The following MCM9 variants were observed in gnomAD, a reference collection of about 807,000 sequenced individuals.
MCM9 encodes minichromosome maintenance 9 homologous recombination repair factor.
Under a neutral mutation model 72.8 loss-of-function variants are expected in MCM9, and 55 were observed. The ratio of observed to expected loss-of-function variants is 0.76; its 90% confidence interval spans 0.61 to 0.95. MCM9 has a LOEUF of 0.95. MCM9 is among the 40% of genes least tolerant of loss of function. The probability of loss-of-function intolerance (pLI) is 0.00; values close to 1 mark genes in which losing one functional copy is unlikely to be tolerated. For synonymous variants in MCM9, 480 were observed against 503.4 expected (o/e 0.95, Z 0.62); for missense variants, 1,279 against 1,377.0 (o/e 0.93, Z 1.13).
intron 9 of MCM9, among the ~76,000 whole-genome samples, 197 bp from the exon 10 acceptor site, chr6:118,829,447 G>C (rs1306695343): frequency 1.3e-5 from 2 of 152,214 alleles, no homozygotes; most frequent in African/African-American, 4.8e-5. Context: ...ATCTTAAAGA[G>C]AAGTAACCGT....
At chr6:118,818,041 T>C (rs1773525234) in intron 13 of MCM9, among the ~76,000 whole-genome samples, 1 of 152,186 alleles carries the variant, frequency 6.6e-6, no homozygotes, top group African/African-American at 2.4e-5. Context: ...CTTTGTCAGA[T>C]GGATAGATTG....
intron 9 of MCM9, among the ~76,000 whole-genome samples, chr6:118,836,607 T>C (rs1177689657): frequency 6.6e-6 from 1 of 152,248 alleles, no homozygotes; most frequent in Non-Finnish European, 1.5e-5. Flanking sequence ...TATCCATTTC[T>C]TCTAGATTTT....
intron 13 of MCM9, among the ~76,000 whole-genome samples, chr6:118,819,826 A>G (rs1486053368): frequency 3.9e-5 from 6 of 152,192 alleles, no homozygotes; most frequent in Non-Finnish European, 8.8e-5. Flanking sequence ...CAGGGATTCA[A>G]CTTCTTCCTG....
rs935914394 is a variant in MCM9 at position 118,820,254 on chromosome 6, C to T, written c.1962-3960G>A. 3.9e-5 allele frequency among the ~76,000 whole-genome samples: 6 copies of T among 152,268 alleles called. 1 individual carries two copies. The highest frequency in any genetic ancestry group is 6.8e-3 in the Middle Eastern group (2 of 294). On this transcript the variant is annotated intron_variant, in intron 13 of 13. Transcript: ENST00000619706. ...GTTCTTTCCCTCTTTCTCCTGAGGG[C>T]GTTTAGTGCTATAAATTTCCCTCTG...
chr6:118,815,528 C>G lies in MCM9; in HGVS notation c.2728G>C (p.Val910Leu), dbSNP rs944074142. 1.3e-6 allele frequency: 2 copies of G among 1,548,470 alleles called. No homozygotes were observed. Among genetic ancestry groups the G allele is most frequent in the Non-Finnish European group, 1.7e-6 (2 of 1,146,412 alleles). ...GCCACAGGGGAACCTGGAGGCTTAA[C>G]ATTTTCAATTGCAGGCTCTTCCACT... Reference protein sequence around the residue: ...AQVEEPAIENVKPPGSPVAKL... With the variant: ...AQVEEPAIENLKPPGSPVAKL... The change falls in exon 14 of 14, where the codon GTT becomes CTT. Residue 910 changes from valine (V) to leucine (L), a missense_variant. Physicochemically the swap from Val to Leu is conservative, Grantham distance 32. Transcript: ENST00000619706.
intron 8 of MCM9, among the ~76,000 whole-genome samples, chr6:118,883,828 T>C (rs182831052): frequency 6.4e-4 from 97 of 152,250 alleles, no homozygotes; most frequent in African/African-American, 2.1e-3. Flanking sequence ...CTTAAAAGAA[T>C]TACTAAAGGA....
intron 8 of MCM9, among the ~76,000 whole-genome samples, chr6:118,872,631 A>G (rs1777677230): frequency 6.6e-6 from 1 of 152,044 alleles, no homozygotes; most frequent in Non-Finnish European, 1.5e-5. Flanking sequence ...CTACCTCTAC[A>G]GAAAAAAAAG....
At chr6:118,841,042 T>G (rs1583396995) in intron 9 of MCM9, among the ~76,000 whole-genome samples, 1 of 152,332 alleles carries the variant, frequency 6.6e-6, no homozygotes, top group East Asian at 1.9e-4. Context: ...GCCACTGCGC[T>G]TGGCTCCTCC....
intron 9 of MCM9, among the ~76,000 whole-genome samples, chr6:118,834,323 G>A (rs1774800812): frequency 6.8e-6 from 1 of 147,550 alleles, no homozygotes; most frequent in Non-Finnish European, 1.5e-5. Context: ...ATAAACATAC[G>A]TGTGTATGTG....
intron 9 of MCM9, among the ~76,000 whole-genome samples, chr6:118,832,773 A>G (rs1774663059): frequency 6.6e-6 from 1 of 152,182 alleles, no homozygotes; most frequent in Non-Finnish European, 1.5e-5. Context: ...AAGGTCTCCC[A>G]TTACTCCCTT....
chr6:118,918,859 C>G (rs1027510228), intron 5 of MCM9: 2 of 152,170 alleles, frequency 1.3e-5, no homozygotes, highest in Non-Finnish European at 2.9e-5. Flanking sequence ...TTTTGATTTC[C>G]TAAAGGAAAA....
At chr6:118,885,684 C>A (rs1778554482) in intron 8 of MCM9, among the ~76,000 whole-genome samples, 1 of 152,002 alleles carries the variant, frequency 6.6e-6, no homozygotes, top group Non-Finnish European at 1.5e-5. Flanking sequence ...GTTTTTAAAA[C>A]CACCCATAAA....
chr6:118,890,956 A>G (rs539866389), intron 8 of MCM9, among the ~76,000 whole-genome samples: 7 of 152,316 alleles, frequency 4.6e-5, no homozygotes, highest in African/African-American at 1.7e-4. Context: ...CATTCCTATG[A>G]TAACTTTTGC....
intron 9 of MCM9, among the ~76,000 whole-genome samples, chr6:118,848,997 A>G (rs1776061352): frequency 6.6e-6 from 1 of 151,860 alleles, no homozygotes; most frequent in South Asian, 2.1e-4. Flanking sequence ...AACCGTTGAC[A>G]CCAAGCATAT....
intron 9 of MCM9, among the ~76,000 whole-genome samples, chr6:118,852,255 A>C (rs1480683471): frequency 6.6e-6 from 1 of 152,214 alleles, no homozygotes; most frequent in African/African-American, 2.4e-5. Context: ...CAAAAATGTT[A>C]TGTGGCGTAT....
chr6:118,833,796 G>GT (rs954760326), intron 9 of MCM9, among the ~76,000 whole-genome samples: 6 of 152,194 alleles, frequency 3.9e-5, no homozygotes, highest in Admixed American at 6.5e-5. Context: ...GGAAATGGGA[G>GT]TTTTTTTAAA....
intron 8 of MCM9, among the ~76,000 whole-genome samples, chr6:118,873,579 C>G (rs970793475): frequency 6.6e-6 from 1 of 152,082 alleles, no homozygotes; most frequent in Non-Finnish European, 1.5e-5. Flanking sequence ...AAACTTCAAC[C>G]AGGAGAAGCA....
chr6:118,879,968 T>C (rs1161107468), intron 8 of MCM9, among the ~76,000 whole-genome samples: 1 of 151,202 alleles, frequency 6.6e-6, no homozygotes, highest in Non-Finnish European at 1.5e-5. Flanking sequence ...CACTTGAACC[T>C]GGGAGGTGGA....
intron 8 of MCM9, among the ~76,000 whole-genome samples, chr6:118,874,074 G>A (rs1202268103): frequency 2.6e-5 from 4 of 152,046 alleles, no homozygotes; most frequent in African/African-American, 7.2e-5. Flanking sequence ...GGGCAACATG[G>A]TGAAACCCCA....
Sources: gnomAD v4.1 joint callset for allele counts (sites outside exome capture counted in the v4.1 genomes callset) on GRCh38, gnomAD v4.1.1 for gene constraint, MANE v1.5 for transcripts, NCBI Gene and HGNC (gene_info 2026-07-23, HGNC 2026-07-21) for gene names.